ZNF799: variants seen among roughly 807,000 people sequenced by gnomAD.
The protein encoded by ZNF799 is zinc finger protein 799, also known as zinc finger protein 14.
In ZNF799, 28 loss-of-function variants were observed where a neutral mutation model predicts 41.0. The observed-to-expected ratio is 0.68, with a 90% CI of 0.51 to 0.94. ZNF799 has a LOEUF of 0.94. ZNF799 is among the 40% of genes least tolerant of loss of function. The pLI is 0.00. For synonymous variants in ZNF799, 213 were observed against 252.9 expected (o/e 0.84, Z 1.50); for missense variants, 716 against 764.3 (o/e 0.94, Z 0.74).
chr19:12,398,792 G>C (rs569878170), intron 1 of ZNF799, among the ~76,000 whole-genome samples: 2 of 152,048 alleles, frequency 1.3e-5, no homozygotes, highest in African/African-American at 4.8e-5. Context: ...TAATGGAAGA[G>C]GGTTTTTTCC....
chr19:12,408,751 T>A, the ZNF799 span, among the ~76,000 whole-genome samples: 1 of 152,148 alleles, frequency 6.6e-6, no homozygotes, highest in Non-Finnish European at 1.5e-5. Flanking sequence ...ATGCATAAGG[T>A]GGCTGGGTGT....
chr19:12,399,051 C>A (rs575256963), intron 1 of ZNF799, among the ~76,000 whole-genome samples: 14 of 152,230 alleles, frequency 9.2e-5, no homozygotes, highest in Middle Eastern at 6.8e-3. Flanking sequence ...TCAAAGTATA[C>A]AATAACAATC....
chr19:12,403,658 T>TA (rs1970012795), upstream of ZNF799, among the ~76,000 whole-genome samples: 1 of 152,078 alleles, frequency 6.6e-6, no homozygotes, highest in East Asian at 1.9e-4. Context: ...GTTCAAGCAA[T>TA]TCTCCTGCCT....
At chr19:12,399,570 T>G (rs1239070191) in intron 1 of ZNF799, among the ~76,000 whole-genome samples, 1 of 147,950 alleles carries the variant, frequency 6.8e-6, no homozygotes, top group Non-Finnish European at 1.5e-5. Context: ...CATCTCAGGC[T>G]GTCCCCTGGG....
chr19:12,392,679 A>G lies in ZNF799; in HGVS notation c.131-16T>C. On this transcript the variant is annotated splice_polypyrimidine_tract_variant and intron_variant, in intron 2 of 3. Coordinates refer to ENST00000430385, the MANE Select transcript of ZNF799 (RefSeq NM_001080821.3). The stretch of plus-strand genomic sequence containing the variant: ...CATTTCATTCCTAAAAGGTATACAC[A>G]GAAAAATCATTACAAATTTTTACAA... 6.3e-7 allele frequency: 1 copy of G among 1,580,506 alleles called. No homozygotes were observed.
intron 1 of ZNF799, among the ~76,000 whole-genome samples, chr19:12,395,399 C>T (rs1257239966): frequency 6.6e-6 from 1 of 152,140 alleles, no homozygotes; most frequent in East Asian, 1.9e-4. Flanking sequence ...GCCTTAGCCT[C>T]CCAAAGTGCT....
upstream of ZNF799, among the ~76,000 whole-genome samples, chr19:12,401,518 CACTG>C (rs889786841): frequency 4.1e-5 from 6 of 147,520 alleles, no homozygotes; most frequent in Admixed American, 6.8e-5. Context: ...TCCTCCTGTA[CACTG>C]ACTGACAAAA....
chr19:12,392,272 T>C, intron 3 of ZNF799, 66 bp from the exon 4 acceptor site: 1 of 1,502,812 alleles, frequency 6.7e-7, no homozygotes, highest in Non-Finnish European at 8.9e-7. Context: ...TATTAATAAG[T>C]ATTGGATGTA....
chr19:12,390,387 C>T lies in ZNF799; in HGVS notation c.*79G>A. ...TGCTTACATTCACAGGGTCTATCTC[C>T]AATGTGTTTCGTACAAGTATCTGAA... On this transcript the variant is annotated 3_prime_UTR_variant, in exon 4 of 4. Transcript: ENST00000430385. 2.5e-6 allele frequency: 4 copies of T among 1,599,408 alleles called. No homozygotes were observed. Among genetic ancestry groups the T allele is most frequent in the Non-Finnish European group, 3.4e-6 (4 of 1,172,860 alleles).
At chr19:12,404,598 AG>A (rs1970017471), upstream of ZNF799, among the ~76,000 whole-genome samples, 1 of 152,124 alleles carries the variant, frequency 6.6e-6, no homozygotes, top group Non-Finnish European at 1.5e-5. Context: ...CCTCAGTGCC[AG>A]TCTTAAAGAC....
chr19:12,392,049 A>T lies in ZNF799; in HGVS notation c.349T>A (p.Ser117Thr). The change falls in exon 4 of 4, where the codon TCC becomes ACC. Residue 117 changes from serine (S) to threonine (T), a missense_variant. By Grantham distance (58) the Ser-to-Thr change is moderately conservative. Transcript: ENST00000430385. ...CCAACTCTGATGTAACAATTAAGGG[A>T]TGAATGACCCATGATGACTTCTCCA... ...MSGEVIMGHS[S>T]LNCYIRVGAG... 1.2e-6 allele frequency: 2 copies of T among 1,614,192 alleles called. No individual in the cohort carries two copies. Among genetic ancestry groups the T allele is most frequent in the South Asian group, 1.1e-5 (1 of 91,084 alleles).
rs1969807337 is a variant in ZNF799 at position 12,391,148 on chromosome 19, G to T, written c.1250C>A (p.Ala417Glu). Residue 417 changes from alanine to glutamate, a missense_variant, in exon 4 of 4, where the codon GCA becomes GAA. Ala to Glu is a moderately radical substitution (Grantham distance 107). Transcript: ENST00000430385. Reference sequence around the variant, plus strand: ...TTGTTTACATTTATAGGGTTTCTCTGCAGTGTGAGTCTTTTCATGCCTTTG... The same window carrying T: ...TTGTTTACATTTATAGGGTTTCTCTTCAGTGTGAGTCTTTTCATGCCTTTG... ...VFQRHEKTHTAEKPYKCKQCG... is the reference protein window; with the variant it reads ...VFQRHEKTHTEEKPYKCKQCG... 1 of 1,614,040 alleles carries T rather than the reference G, an allele frequency of 6.2e-7. No individual in the cohort carries two copies. Among genetic ancestry groups the T allele is most frequent in the African/African-American group, 1.3e-5 (1 of 74,934 alleles).
At chr19:12,402,655 T>C (rs1206104467), upstream of ZNF799, among the ~76,000 whole-genome samples, 2 of 152,090 alleles carry the variant, frequency 1.3e-5, no homozygotes, top group Non-Finnish European at 2.9e-5. Context: ...GGATGTTAAA[T>C]ATTATCAAAA....
upstream of ZNF799, among the ~76,000 whole-genome samples, chr19:12,404,569 G>A (rs1258561234): frequency 2.0e-5 from 3 of 152,072 alleles, no homozygotes; most frequent in Non-Finnish European, 4.4e-5. Context: ...GATTACAGGC[G>A]TGAGCCACCA....
upstream of ZNF799, among the ~76,000 whole-genome samples, chr19:12,403,764 C>G (rs1970013370): frequency 6.6e-6 from 1 of 152,110 alleles, no homozygotes; most frequent in South Asian, 2.1e-4. Flanking sequence ...GTTGGCCAGG[C>G]TGGTCTTGAA....
chr19:12,391,746 T>C lies in ZNF799; in HGVS notation c.652A>G (p.Thr218Ala), dbSNP rs1480370664. The change falls in exon 4 of 4, where the codon ACG becomes GCG. Residue 218 changes from threonine (T) to alanine (A), a missense_variant. Transcript: ENST00000430385. ...TCATATGGTTTCTCTCCAGTGTGCG[T>C]TCTCTCATGCATATGTAATAAACTG... Reference protein sequence around the residue: ...WPSLLHMHERTHTGEKPYECK... With the variant: ...WPSLLHMHERAHTGEKPYECK... 6.2e-7 allele frequency: 1 copy of C among 1,614,136 alleles called. No homozygotes were observed. Among genetic ancestry groups the C allele is most frequent in the Non-Finnish European group, 8.5e-7 (1 of 1,180,018 alleles).
chr19:12,401,076 G>T lies in ZNF799; in HGVS notation c.-6C>A, dbSNP rs770011864. The stretch of plus-strand genomic sequence containing the variant: ...CGGCCCAGCACACGCACCATTTCCC[G>T]ACTTCCGCGGTGTCCCAGGTCCTCC... On this transcript the variant is annotated 5_prime_UTR_variant, in exon 1 of 4. Transcript: ENST00000430385. 1.2e-6 allele frequency: 2 copies of T among 1,613,924 alleles called. No homozygotes were observed. Among genetic ancestry groups the T allele is most frequent in the Admixed American group, 1.7e-5 (1 of 60,034 alleles).
At chr19:12,398,806 G>T (rs1475578789) in intron 1 of ZNF799, among the ~76,000 whole-genome samples, 1 of 151,924 alleles carries the variant, frequency 6.6e-6, no homozygotes, top group African/African-American at 2.4e-5. Flanking sequence ...TTTTTCCTTG[G>T]TAGTAGTTAT....
At chr19:12,410,840 C>A in the ZNF799 span, among the ~76,000 whole-genome samples, 2 of 152,114 alleles carry the variant, frequency 1.3e-5, no homozygotes, top group African/African-American at 2.4e-5. Flanking sequence ...TGGGCCAATT[C>A]CCTGAAAGAC....
Sources: gnomAD v4.1 joint callset for allele counts (sites outside exome capture counted in the v4.1 genomes callset) on GRCh38, gnomAD v4.1.1 for gene constraint, MANE v1.5 for transcripts, NCBI Gene and HGNC (gene_info 2026-07-23, HGNC 2026-07-21) for gene names.